ZFHX3: variants seen among roughly 807,000 people sequenced by gnomAD.
ZFHX3 encodes zinc finger homeobox protein 3.
In ZFHX3, 42 loss-of-function variants were observed where a neutral mutation model predicts 279.1. The observed-to-expected ratio is 0.15, with a 90% CI of 0.12 to 0.19. ZFHX3 has a LOEUF of 0.19. Among genes scored for constraint, ZFHX3 ranks in the 10% least tolerant of loss-of-function variants. The pLI, the probability that ZFHX3 is intolerant of heterozygous loss-of-function variation, is 1.00. For synonymous variants in ZFHX3, 2,293 were observed against 1,957.8 expected (o/e 1.17, Z -4.52); for missense variants, 4,981 against 4,754.0 (o/e 1.05, Z -1.40).
chr16:73,016,924 G>GA (rs60459224), intron 1 of ZFHX3, among the ~76,000 whole-genome samples: 19,875 of 147,846 alleles, frequency 0.13, 1,571 homozygotes, highest in Admixed American at 0.28. Flanking sequence ...ATGCACCTTT[G>GA]AAAAAAAAAA....
chr16:73,178,931 A>C (rs1343751648), intron 5 of ZFHX3, among the ~76,000 whole-genome samples: 1 of 152,212 alleles, frequency 6.6e-6, no homozygotes, highest in East Asian at 1.9e-4. Flanking sequence ...TATATGAAGC[A>C]CTGTTTAGTC....
intron 5 of ZFHX3, among the ~76,000 whole-genome samples, chr16:72,825,593 T>C (rs1052079038): frequency 9.2e-5 from 14 of 152,174 alleles, no homozygotes; most frequent in Admixed American, 1.3e-4. Context: ...AAGCAGGACC[T>C]GTGTACCTGT....
At chr16:73,330,770 A>G (rs1339659353) in intron 3 of ZFHX3, among the ~76,000 whole-genome samples, 1 of 152,222 alleles carries the variant, frequency 6.6e-6, no homozygotes, top group Non-Finnish European at 1.5e-5. Context: ...GAGGTAATTA[A>G]AAGACAGATA....
intron 1 of ZFHX3, among the ~76,000 whole-genome samples, chr16:73,847,924 T>G (rs1961491507): frequency 6.8e-6 from 1 of 146,074 alleles, no homozygotes; most frequent in African/African-American, 2.5e-5. Context: ...TTTTTTTTTT[T>G]TTTTTTTTGG....
chr16:73,663,268 C>T (rs1274076863), intron 2 of ZFHX3, among the ~76,000 whole-genome samples: 1 of 152,180 alleles, frequency 6.6e-6, no homozygotes, highest in Admixed American at 6.5e-5. Flanking sequence ...GTCTAATTGA[C>T]TCTCCTTGAT....
At chr16:73,715,280 T>C (rs2053403334) in intron 1 of ZFHX3, among the ~76,000 whole-genome samples, 1 of 152,144 alleles carries the variant, frequency 6.6e-6, no homozygotes, top group African/African-American at 2.4e-5. Flanking sequence ...AGCATCAAAG[T>C]GAAGAGCATC....
In ZFHX3 at chr16:72,964,708, C is replaced by T. The variant is rs80108601; in HGVS notation, c.-49-4514G>A. On this transcript the variant is annotated intron_variant, in intron 1 of 9. Coordinates refer to ENST00000268489, the MANE Select transcript of ZFHX3 (RefSeq NM_006885.4). ...AGGAAAAAAATTGAAAACCATCATA[C>T]TGGAAGTCATCACTTAATGAGTTAG... Among the ~76,000 whole-genome samples, 324 of 150,984 alleles carry T rather than the reference C, an allele frequency of 2.1e-3. 7 individuals are homozygous for T. The East Asian group carries it at 0.036, about 17-fold the overall frequency.
chr16:73,776,587 A>G (rs1374061534), intron 1 of ZFHX3, among the ~76,000 whole-genome samples: 1 of 152,200 alleles, frequency 6.6e-6, no homozygotes, highest in African/African-American at 2.4e-5. Context: ...GACAGAAATG[A>G]AATTAGAGGG....
At chr16:73,127,323 T>C (rs906918415) in intron 7 of ZFHX3, 30 of 1,294,050 alleles carry the variant, frequency 2.3e-5, no homozygotes, top group Non-Finnish European at 3.0e-5. Context: ...CCTTCGCTGG[T>C]GGCAGCCGTA....
intron 3 of ZFHX3, among the ~76,000 whole-genome samples, chr16:72,921,207 G>GC (rs1365848741): frequency 6.7e-6 from 1 of 149,278 alleles, no homozygotes; most frequent in Non-Finnish European, 1.5e-5. Flanking sequence ...TCCCTCTCCC[G>GC]CCACACCCTA....
rs2035315635 is a variant in ZFHX3, at chr16:72,785,303, TAC to T, written c.*1859_*1860del. 1 of 152,028 alleles carries T rather than the reference TAC, an allele frequency of 6.6e-6. No individual in the cohort carries two copies. The highest frequency in any genetic ancestry group is 1.5e-5 in the Non-Finnish European group (1 of 67,998). The allele number at this position is 152,028 out of a possible 1,614,324, so 9.4% of individuals were successfully genotyped here. On this transcript the variant is annotated 3_prime_UTR_variant, in exon 10 of 10. Transcript: ENST00000268489. ...TATTAACAGAAACAAGTGCCTCACA[TAC>T]AGTTCCTTTTTTGCTTTCTGTACAC...
chr16:73,178,428 C>T (rs1967715353), intron 5 of ZFHX3, among the ~76,000 whole-genome samples: 2 of 152,094 alleles, frequency 1.3e-5, no homozygotes, highest in South Asian at 2.1e-4. Flanking sequence ...CGTGAGCCAC[C>T]GCGCCTGACC....
At chr16:73,865,449 T>A (rs746628460) in intron 1 of ZFHX3, among the ~76,000 whole-genome samples, 2 of 152,110 alleles carry the variant, frequency 1.3e-5, no homozygotes, top group Non-Finnish European at 2.9e-5. Flanking sequence ...ACGCCATGTG[T>A]TCATTGGGGA....
intron 1 of ZFHX3, among the ~76,000 whole-genome samples, chr16:73,877,100 T>G (rs1490617586): frequency 6.8e-6 from 1 of 147,854 alleles, no homozygotes; most frequent in East Asian, 2.0e-4. Context: ...ATGTAAAAAT[T>G]GTTAATCTTA....
intron 5 of ZFHX3, among the ~76,000 whole-genome samples, chr16:73,146,728 A>G (rs186271193): frequency 3.3e-5 from 5 of 152,090 alleles, no homozygotes; most frequent in East Asian, 1.9e-4. Context: ...CAGTGCCACA[A>G]TCCTGCAAAC....
chr16:73,366,046 A>C (rs961248540), intron 3 of ZFHX3, among the ~76,000 whole-genome samples: 1 of 152,238 alleles, frequency 6.6e-6, no homozygotes, highest in African/African-American at 2.4e-5. Context: ...GAAGTGATAA[A>C]GATGTTTTCT....
chr16:73,431,057 A>G (rs990413475), intron 3 of ZFHX3, among the ~76,000 whole-genome samples: 3 of 152,232 alleles, frequency 2.0e-5, no homozygotes, highest in Admixed American at 6.5e-5. Flanking sequence ...AAGGACAAAC[A>G]TCTAATTACA....
chr16:73,634,671 C>T (rs1346901241), intron 2 of ZFHX3, among the ~76,000 whole-genome samples: 1 of 151,920 alleles, frequency 6.6e-6, no homozygotes, highest in East Asian at 1.9e-4. Flanking sequence ...GGACAGCCAA[C>T]AGAAGGGGCC....
intron 3 of ZFHX3, among the ~76,000 whole-genome samples, chr16:73,385,189 C>T (rs898867356): frequency 1.3e-4 from 20 of 152,150 alleles, no homozygotes; most frequent in African/African-American, 4.3e-4. Context: ...ACAGGATGTT[C>T]CCATGGGTTT....
Sources: gnomAD v4.1 joint callset for allele counts (sites outside exome capture counted in the v4.1 genomes callset) on GRCh38, gnomAD v4.1.1 for gene constraint, MANE v1.5 for transcripts, NCBI Gene and HGNC (gene_info 2026-07-23, HGNC 2026-07-21) for gene names.